TRPM4: variants seen among roughly 807,000 people sequenced by gnomAD.
The protein encoded by TRPM4 is transient receptor potential cation channel subfamily M member 4, also known as calcium-activated non-selective cation channel 1.
A neutral mutation model predicts 135.6 loss-of-function variants in TRPM4; 124 were observed. That is an observed-to-expected ratio of 0.91 (90% confidence interval 0.79 to 1.06). The LOEUF is 1.06. TRPM4 is among the 50% of genes least tolerant of loss of function. The pLI, the probability that TRPM4 is intolerant of heterozygous loss-of-function variation, is 0.00. For missense variants in TRPM4, 1,658 were observed against 1,671.4 expected, an observed-to-expected ratio of 0.99 and a Z score of 0.14; for synonymous variants, 745 against 705.6, an observed-to-expected ratio of 1.06 and a Z score of -0.88.
chr19:49,189,793 A>G (rs1270482574), intron 14 of TRPM4, among the ~76,000 whole-genome samples: 1 of 152,166 alleles, frequency 6.6e-6, no homozygotes, highest in African/African-American at 2.4e-5. Flanking sequence ...GACATTTCAA[A>G]CAGCTACCCA....
chr19:49,181,465 AG>A lies in TRPM4; in HGVS notation c.1263+8del, dbSNP rs1967919812. On this transcript the variant is annotated splice_donor_5th_base_variant and intron_variant, in intron 10 of 24. Coordinates refer to ENST00000252826, the MANE Select transcript of TRPM4 (RefSeq NM_017636.4). The stretch of plus-strand genomic sequence containing the variant: ...TCGGGGGGACATCCAATGGCGGGTG[AG>A]GGGTCAGGGCCTGGGGGTTGGGCAT... The A allele has an allele frequency of 2.0e-6, 3 of 1,506,352 alleles. No homozygotes were observed. The East Asian group carries it at 8.1e-5, about 41-fold the overall frequency. The allele number at this position is 1,506,352 out of a possible 1,614,324, so 93.3% of individuals were successfully genotyped here.
intron 2 of TRPM4, among the ~76,000 whole-genome samples, chr19:49,160,863 A>G (rs1291134698): frequency 6.6e-6 from 1 of 151,892 alleles, no homozygotes; most frequent in Non-Finnish European, 1.5e-5. Flanking sequence ...AGAGGAGGGC[A>G]TGGGGCAAAG....
intron 12 of TRPM4, among the ~76,000 whole-genome samples, chr19:49,183,655 G>A (rs530480619): frequency 6.6e-6 from 1 of 152,034 alleles, no homozygotes; most frequent in East Asian, 1.9e-4. Context: ...CACCCGCCTC[G>A]GCTTCCCAAA....
intron 20 of TRPM4, among the ~76,000 whole-genome samples, chr19:49,203,230 A>G (rs892562681): frequency 1.3e-5 from 2 of 149,160 alleles, no homozygotes; most frequent in African/African-American, 5.0e-5. Flanking sequence ...CCCAGGCTGG[A>G]GTGCAATGGT....
rs749503838 is a variant in TRPM4 at position 49,171,477 on chromosome 19, T to G, written c.858+59T>G. On this transcript the variant is annotated intron_variant, in intron 7 of 24. Coordinates refer to ENST00000252826, the MANE Select transcript of TRPM4 (RefSeq NM_017636.4). This position sits in a 1 kb window ranked among gnomAD's most constrained non-coding sequence, Gnocchi z 4.7. ...AAGGAGGGTTGGGGGCCAGGACTCC[T>G]GGGTCCTGAGTCTTAGGGAGGGTCT... 6.9e-5 allele frequency: 111 copies of G among 1,610,608 alleles called. No homozygotes were observed. The highest frequency in any genetic ancestry group is 9.0e-5 in the Non-Finnish European group (106 of 1,177,256).
intron 20 of TRPM4, among the ~76,000 whole-genome samples, chr19:49,207,654 A>T (rs1232311979): frequency 6.6e-6 from 1 of 150,530 alleles, no homozygotes; most frequent in Non-Finnish European, 1.5e-5. Flanking sequence ...AAAAAAAAAA[A>T]AAAAAGCCAT....
In TRPM4 at chr19:49,188,679, G is replaced by C; in HGVS notation, c.1782G>C (p.Leu594Phe). The C allele has an allele frequency of 6.2e-7, 1 of 1,614,170 alleles. No individual in the cohort carries two copies. The highest frequency in any genetic ancestry group is 8.5e-7 in the Non-Finnish European group (1 of 1,180,046). The change falls in exon 13 of 25, where the codon TTG (leucine) becomes TTC (phenylalanine). Residue 594 changes from leucine to phenylalanine, a missense_variant. Transcript: ENST00000252826. ...NAVSSALGAC[L>F]LLRVMARLEP... ...TTTCCTCAGCTCTTGGGGCCTGTTTGCTGCTCCGGGTGATGGCACGCCTGG... is the reference window on the plus strand; with the variant it reads ...TTTCCTCAGCTCTTGGGGCCTGTTTCCTGCTCCGGGTGATGGCACGCCTGG...
rs145389593 is a variant in TRPM4, at chr19:49,163,692, G to A, written c.93-2349G>A. Among the ~76,000 whole-genome samples the A allele has an allele frequency of 2.9e-3, 440 of 152,042 alleles. 4 individuals carry two copies. Among genetic ancestry groups the A allele is most frequent in the African/African-American group, 9.9e-3 (409 of 41,464 alleles). ...ATTTTTTTTGTAGGGATGGGGTCTC[G>A]CTCTATTGCCCAGGCTGTTCTCAAA... On this transcript the variant is annotated intron_variant, in intron 2 of 24. Coordinates refer to ENST00000252826, the MANE Select transcript of TRPM4 (RefSeq NM_017636.4).
intron 3 of TRPM4, among the ~76,000 whole-genome samples, chr19:49,167,066 C>G (rs1214053529): frequency 4.0e-5 from 6 of 149,056 alleles, no homozygotes; most frequent in African/African-American, 1.5e-4. Flanking sequence ...GGGTTTCTGT[C>G]CCCATCTCTC....
Position 49,183,150 on chromosome 19 carries a change from G to A in TRPM4, c.1681G>A (p.Asp561Asn), listed in dbSNP as rs758748444. ...DAGLGQAPWS[D>N]LLLWALLLNR... ...TGGCCTCGGGCAGGCCCCCTGGAGC[G>A]ACCTGCTTCTTTGGGCACTGTTGCT... Residue 561 changes from aspartate (D) to asparagine (N), a missense_variant, in exon 12 of 25, where the codon GAC becomes AAC. Asp to Asn is a conservative substitution (Grantham distance 23, BLOSUM62 1). Coordinates refer to ENST00000252826, the MANE Select transcript of TRPM4 (RefSeq NM_017636.4). 3 of 1,614,022 alleles carry A rather than the reference G, an allele frequency of 1.9e-6. No homozygotes were observed. The highest frequency in any genetic ancestry group is 1.1e-5 in the South Asian group (1 of 91,056).
chr19:49,158,264 G>A lies in TRPM4; in HGVS notation c.92+5G>A. ...AGTTGACTCCACAGATCCGGGGTGA[G>A]GAGTTCGCCCCTGGACTGACCCCAG... is the stretch of plus-strand genomic sequence containing the variant. On this transcript the variant is annotated splice_donor_5th_base_variant and intron_variant, in intron 2 of 24. Coordinates refer to ENST00000252826, the MANE Select transcript of TRPM4 (RefSeq NM_017636.4). The A allele has an allele frequency of 6.2e-7, 1 of 1,613,658 alleles. No individual in the cohort carries two copies. The highest frequency in any genetic ancestry group is 8.5e-7 in the Non-Finnish European group (1 of 1,179,818).
At position 49,166,207 on chromosome 19, in the gene TRPM4, C is replaced by A; in HGVS notation, c.259C>A (p.His87Asn). 1.2e-6 allele frequency: 2 copies of A among 1,604,088 alleles called. No homozygotes were observed. The highest frequency in any genetic ancestry group is 1.7e-6 in the Non-Finnish European group (2 of 1,176,520). Residue 87 changes from histidine to asparagine, a missense_variant, in exon 3 of 25, where the codon CAC (histidine) becomes AAC (asparagine). Transcript: ENST00000252826. Reference sequence around the variant, plus strand: ...GGACTTCACGGGGGCCGGCCGCAAGCACAGCAATGTGAGGCGGGCCTCTGT... The same window carrying A: ...GGACTTCACGGGGGCCGGCCGCAAGAACAGCAATGTGAGGCGGGCCTCTGT... ...ELDFTGAGRK[H>N]SNFLRLSDRT...
rs1197433860 is a variant in TRPM4, at chr19:49,210,549, A to C, written c.3328+144A>C. On this transcript the variant is annotated intron_variant, in intron 21 of 24. Coordinates refer to ENST00000252826, the MANE Select transcript of TRPM4 (RefSeq NM_017636.4). The surrounding 1 kb of genome is among the most constrained non-coding windows in gnomAD (Gnocchi z 4.1). ...GTTTAAGCAACAAGGGGCGGAGCTT[A>C]AGCACTGAGGGGCAGTGCTTACGGG... The C allele has an allele frequency of 2.8e-6, 4 of 1,417,408 alleles. No individual in the cohort carries two copies. The highest frequency in any genetic ancestry group is 3.9e-6 in the Non-Finnish European group (4 of 1,024,126). The allele number at this position is 1,417,408 out of a possible 1,614,324, so 87.8% of individuals were successfully genotyped here.
rs148575129 is a variant in TRPM4, at chr19:49,167,686, C to G, written c.268-231C>G. On this transcript the variant is annotated intron_variant, in intron 3 of 24. Transcript: ENST00000252826. ...CCCATGTCTCTGGGTCTCTGTCCCTCTCTCTCTGGGTCTCTGTCCCCATCT... is the reference window on the plus strand; with the variant it reads ...CCCATGTCTCTGGGTCTCTGTCCCTGTCTCTCTGGGTCTCTGTCCCCATCT... The G allele has an allele frequency of 6.3e-5, 19 of 300,440 alleles. 2 individuals are homozygous for G. The highest frequency in any genetic ancestry group is 1.9e-4 in the South Asian group (4 of 21,054). 18.6% of individuals were successfully genotyped at this position (300,440 alleles called of 1,614,324 possible).
In TRPM4 at chr19:49,171,868, C is replaced by T. The variant is rs1264782958; in HGVS notation, c.1050+99C>T. The T allele has an allele frequency of 1.5e-5, 22 of 1,446,710 alleles. No homozygotes were observed. Among genetic ancestry groups the T allele is most frequent in the Non-Finnish European group, 2.0e-5 (21 of 1,042,122 alleles). The allele number at this position is 1,446,710 out of a possible 1,614,324, so 89.6% of individuals were successfully genotyped here. On this transcript the variant is annotated intron_variant, in intron 8 of 24. Coordinates refer to ENST00000252826, the MANE Select transcript of TRPM4 (RefSeq NM_017636.4). The surrounding 1 kb of genome is among the most constrained non-coding windows in gnomAD (Gnocchi z 4.7). ...GAGGAGGGGCTGGGGGCCTGGACTTCCAGGTTCCGGGAGAAGAGGGTGCTG... is the reference window on the plus strand; with the variant it reads ...GAGGAGGGGCTGGGGGCCTGGACTTTCAGGTTCCGGGAGAAGAGGGTGCTG...
At chr19:49,160,014 A>C (rs867741846) in intron 2 of TRPM4, 1 of 152,240 alleles carries the variant, frequency 6.6e-6, no homozygotes, top group Non-Finnish European at 1.5e-5. Context: ...GAAACGCAGA[A>C]GATAATTATA....
intron 6 of TRPM4, among the ~76,000 whole-genome samples, chr19:49,170,354 A>G (rs903245714): frequency 1.3e-5 from 2 of 151,914 alleles, no homozygotes; most frequent in Non-Finnish European, 2.9e-5. Flanking sequence ...ACTCCCAGCT[A>G]ATTTTTGTAT....
At chr19:49,192,633 A>G (rs1254361854) in intron 16 of TRPM4, among the ~76,000 whole-genome samples, 2 of 152,180 alleles carry the variant, frequency 1.3e-5, no homozygotes, top group Non-Finnish European at 1.5e-5. Flanking sequence ...TGATGAGAAC[A>G]CATGGACACA....
intron 20 of TRPM4, among the ~76,000 whole-genome samples, chr19:49,204,199 A>G (rs1277054284): frequency 6.6e-6 from 1 of 152,174 alleles, no homozygotes; most frequent in African/African-American, 2.4e-5. Context: ...GGCTATTGTG[A>G]CTAATGTTTG....
Sources: allele counts gnomAD v4.1 joint callset (sites outside exome capture counted in the v4.1 genomes callset), GRCh38; gene constraint gnomAD v4.1.1; non-coding constraint Gnocchi (gnomAD v3.1); transcripts MANE v1.5; gene names NCBI Gene and HGNC (gene_info 2026-07-23, HGNC 2026-07-21).